The following INTS9 variants were observed in gnomAD, a reference collection of about 807,000 sequenced individuals.
INTS9 encodes protein related to CPSF subunits of 74 kDa.
A neutral mutation model predicts 79.7 loss-of-function variants in INTS9; 55 were observed. The observed-to-expected ratio is 0.69, with a 90% CI of 0.56 to 0.86. The LOEUF (loss-of-function observed/expected upper bound fraction) is 0.86. Among genes scored for constraint, INTS9 ranks in the 40% least tolerant of loss-of-function variants. INTS9 has a pLI of 0.00. For missense variants in INTS9, 721 were observed against 831.5 expected, an observed-to-expected ratio of 0.87 and a Z score of 1.64; for synonymous variants, 319 against 325.2, an observed-to-expected ratio of 0.98 and a Z score of 0.20.
intron 6 of INTS9, among the ~76,000 whole-genome samples, chr8:28,826,683 C>T (rs151061206): frequency 7.9e-5 from 12 of 152,320 alleles, no homozygotes; most frequent in Non-Finnish European, 1.6e-4. Flanking sequence ...GGACTTCTAT[C>T]TTGCTCGCTT....
chr8:28,855,193 T>C (rs111836831), intron 2 of INTS9, among the ~76,000 whole-genome samples: 3 of 152,118 alleles, frequency 2.0e-5, no homozygotes, highest in African/African-American at 4.8e-5. Context: ...GGAGAAACAA[T>C]ACATGTGACT....
chr8:28,882,548 G>GA (rs376509452), intron 1 of INTS9, among the ~76,000 whole-genome samples: 1,149 of 74,812 alleles, frequency 0.015, 16 homozygotes, highest in African/African-American at 0.049. Flanking sequence ...AAAAAAAAAA[G>GA]AAAAAAAAAA....
At chr8:28,846,474 T>C (rs1461010971) in intron 4 of INTS9, among the ~76,000 whole-genome samples, 1 of 152,194 alleles carries the variant, frequency 6.6e-6, no homozygotes. Flanking sequence ...AGTTAGTTCC[T>C]TACCTTGCTC....
chr8:28,882,308 C>T (rs1809898241), intron 1 of INTS9, among the ~76,000 whole-genome samples: 1 of 119,798 alleles, frequency 8.3e-6, no homozygotes. Context: ...CCCAGGGACA[C>T]AAACACTGCG....
At chr8:28,870,315 A>C (rs971050999) in intron 1 of INTS9, among the ~76,000 whole-genome samples, 1 of 100,900 alleles carries the variant, frequency 9.9e-6, no homozygotes, top group African/African-American at 3.5e-5. Context: ...TTTAAACATT[A>C]ACCATTTTTT....
At chr8:28,831,935 C>T (rs1489518703) in intron 6 of INTS9, among the ~76,000 whole-genome samples, 2 of 152,080 alleles carry the variant, frequency 1.3e-5, no homozygotes, top group African/African-American at 4.8e-5. Context: ...GAACTCCTGA[C>T]CTCAAGTGAT....
intron 5 of INTS9, 58 bp from the exon 6 acceptor site, chr8:28,835,436 T>C (rs1806754859): frequency 1.6e-6 from 2 of 1,251,380 alleles, no homozygotes; most frequent in Non-Finnish European, 2.3e-6. Context: ...AAACACCCCA[T>C]ACTCTAACAG....
At chr8:28,849,751 C>A (rs1222218239) in intron 3 of INTS9, among the ~76,000 whole-genome samples, 1 of 152,078 alleles carries the variant, frequency 6.6e-6, no homozygotes, top group East Asian at 1.9e-4. Flanking sequence ...CCAAAAAAGA[C>A]CCAAGCTTTT....
chr8:28,821,013 A>G (rs1383614478), intron 6 of INTS9, among the ~76,000 whole-genome samples: 1 of 152,208 alleles, frequency 6.6e-6, no homozygotes, highest in Non-Finnish European at 1.5e-5. Context: ...AACAACCAAA[A>G]TGGGATCTTA....
chr8:28,778,268 C>T (rs771440024), intron 12 of INTS9, among the ~76,000 whole-genome samples: 1 of 152,210 alleles, frequency 6.6e-6, no homozygotes, highest in Non-Finnish European at 1.5e-5. Flanking sequence ...ACCAAAACCA[C>T]CGTTTGGCAA....
At chr8:28,858,361 T>C (rs1428343553) in intron 2 of INTS9, among the ~76,000 whole-genome samples, 1 of 152,170 alleles carries the variant, frequency 6.6e-6, no homozygotes, top group Non-Finnish European at 1.5e-5. Flanking sequence ...AGTGCAGATT[T>C]TTAAGAAACA....
chr8:28,830,280 G>A (rs1405818298), intron 6 of INTS9, among the ~76,000 whole-genome samples: 3 of 152,118 alleles, frequency 2.0e-5, no homozygotes, highest in Non-Finnish European at 4.4e-5. Context: ...TCTGGTCCAA[G>A]ATTAAATTCT....
chr8:28,876,262 G>C (rs1163690753), intron 1 of INTS9, among the ~76,000 whole-genome samples: 1 of 152,046 alleles, frequency 6.6e-6, no homozygotes, highest in Non-Finnish European at 1.5e-5. Flanking sequence ...GTTTTGGCTA[G>C]GGATCATGTG....
chr8:28,827,657 C>T (rs559961448), intron 6 of INTS9, among the ~76,000 whole-genome samples: 13 of 152,166 alleles, frequency 8.5e-5, no homozygotes, highest in African/African-American at 2.9e-4. Context: ...CAATATTAAC[C>T]AGAAACTAGG....
intron 6 of INTS9, among the ~76,000 whole-genome samples, chr8:28,826,778 T>A (rs1319627834): frequency 6.6e-6 from 1 of 152,222 alleles, no homozygotes; most frequent in Non-Finnish European, 1.5e-5. Context: ...CCATTTGGCA[T>A]CTATTTTTTT....
intron 13 of INTS9, among the ~76,000 whole-genome samples, chr8:28,777,569 G>T (rs1242355985): frequency 6.6e-6 from 1 of 151,890 alleles, no homozygotes; most frequent in Non-Finnish European, 1.5e-5. Flanking sequence ...GGGTGAGAGG[G>T]TTTGCTTTTA....
rs574999924 is a variant in INTS9, at chr8:28,774,822, C to T, written c.1563+937G>A. Among the ~76,000 whole-genome samples, 4 of 152,366 alleles carry T rather than the reference C, an allele frequency of 2.6e-5. No individual in the cohort carries two copies. The East Asian group carries it at 5.8e-4, about 22-fold the overall frequency. ...AGAGGTAGCCTCCAACCATCCTCAA[C>T]GCTGTCTTTCAGGAGAGGCCGCGTC... is the stretch of plus-strand genomic sequence containing the variant. On this transcript the variant is annotated intron_variant, in intron 14 of 16. Transcript: ENST00000521022.
chr8:28,787,952 C>CGTA, intron 10 of INTS9, 63 bp from the exon 11 acceptor site: 3 of 1,087,240 alleles, frequency 2.8e-6, no homozygotes, highest in Non-Finnish European at 4.1e-6. Context: ...CTGTTGCCAC[C>CGTA]TAGTGGCAGC....
At chr8:28,852,141 C>T (rs1255795321) in intron 2 of INTS9, among the ~76,000 whole-genome samples, 1 of 152,054 alleles carries the variant, frequency 6.6e-6, no homozygotes, top group Non-Finnish European at 1.5e-5. Flanking sequence ...ATCGCTTGAG[C>T]CCAGGAGGTC....
Sources: gnomAD v4.1 joint callset for allele counts (sites outside exome capture counted in the v4.1 genomes callset) on GRCh38, gnomAD v4.1.1 for gene constraint, MANE v1.5 for transcripts, NCBI Gene and HGNC (gene_info 2026-07-23, HGNC 2026-07-21) for gene names.